The following RAPGEF5 variants were observed in gnomAD, a reference collection of about 807,000 sequenced individuals.
The protein encoded by RAPGEF5 is Rap guanine nucleotide exchange factor 5.
A neutral mutation model predicts 125.2 loss-of-function variants in RAPGEF5; 65 were observed. The observed-to-expected ratio is 0.52, with a 90% confidence interval of 0.43 to 0.64. The LOEUF (loss-of-function observed/expected upper bound fraction) is 0.64, where lower values mean the gene tolerates loss of function less well. RAPGEF5 is among the 30% of genes least tolerant of loss of function. RAPGEF5 has a pLI of 0.00. For synonymous variants in RAPGEF5, 391 were observed against 385.9 expected, an observed-to-expected ratio of 1.01 and a Z score of -0.16; for missense variants, 958 against 1,048.1, an observed-to-expected ratio of 0.91 and a Z score of 1.19.
rs569614815 is a variant in RAPGEF5 at position 22,278,874 on chromosome 7, T to C, written c.748-11862A>G. 1.1e-4 allele frequency among the ~76,000 whole-genome samples: 16 copies of C among 152,140 alleles called. No individual in the cohort carries two copies. In the East Asian group the frequency reaches 3.1e-3, roughly 29 times the overall value. On this transcript the variant is annotated intron_variant, in intron 6 of 25. Coordinates refer to ENST00000665637, the MANE Select transcript of RAPGEF5 (RefSeq NM_012294.5). ...CATGTATTCACTGACTTAATTTATA[T>C]GCATAGTGCCTTTTGTATCTGACCT... is the stretch of plus-strand genomic sequence containing the variant.
intron 17 of RAPGEF5, among the ~76,000 whole-genome samples, chr7:22,151,457 AC>A (rs1344076961): frequency 2.7e-5 from 3 of 111,174 alleles, no homozygotes; most frequent in African/African-American, 1.1e-4. Flanking sequence ...ACTGATCATT[AC>A]TTTTTTTTTT....
chr7:22,193,431 C>T lies in RAPGEF5; in HGVS notation c.1140G>A (p.Pro380=), dbSNP rs369343509. 141 of 1,594,384 alleles carry T rather than the reference C, an allele frequency of 8.8e-5. No homozygotes were observed. The highest frequency in any genetic ancestry group is 1.1e-4 in the Non-Finnish European group (134 of 1,169,924). ...TCAAAAGGTGCTCCAAAATCTTCTC[C>T]GGGGTCCCGGACACCACCACATATC... ...HWRYVVVSGT[P]EKILEHLLND... The change falls in exon 11 of 26, where the codon CCG becomes CCA. Residue 380 remains proline (P), a synonymous_variant. Transcript: ENST00000665637.
In RAPGEF5 at chr7:22,167,099, A is replaced by G. The variant is rs766585927; in HGVS notation, c.1254T>C (p.Thr418=). The change falls in exon 12 of 26, where the codon ACT becomes ACC. Residue 418 remains threonine (T), a synonymous_variant. Transcript: ENST00000665637. Reference sequence around the variant, plus strand: ...TTAACAGAGCCTGGCACAAGTCATCAGTTGTCATGAAGACAGTGTACGTGA... The same window carrying G: ...TTAACAGAGCCTGGCACAAGTCATCGGTTGTCATGAAGACAGTGTACGTGA... ...FLLTYTVFMT[T]DDLCQALLRH... The G allele has an allele frequency of 4.3e-6, 7 of 1,613,204 alleles. No homozygotes were observed. The highest frequency in any genetic ancestry group is 5.9e-6 in the Non-Finnish European group (7 of 1,179,546).
intron 1 of RAPGEF5, among the ~76,000 whole-genome samples, chr7:22,350,862 GT>G (rs1176944161): frequency 6.6e-6 from 1 of 152,174 alleles, no homozygotes; most frequent in Non-Finnish European, 1.5e-5. Context: ...AGCTAACACA[GT>G]TTTACACCAA....
intron 25 of RAPGEF5, among the ~76,000 whole-genome samples, chr7:22,123,994 A>G (rs1782660912): frequency 6.6e-6 from 1 of 152,250 alleles, no homozygotes; most frequent in Admixed American, 6.5e-5. Context: ...ATGAATTCGG[A>G]TAATTCAGTT....
intron 17 of RAPGEF5, among the ~76,000 whole-genome samples, chr7:22,152,441 A>G (rs996580941): frequency 6.6e-6 from 1 of 152,146 alleles, no homozygotes; most frequent in Non-Finnish European, 1.5e-5. Context: ...GCATTTTTCC[A>G]TTTGCTGAGA....
chr7:22,307,732 C>G (rs17146637), intron 5 of RAPGEF5, among the ~76,000 whole-genome samples: 13,519 of 152,178 alleles, frequency 0.089, 670 homozygotes, highest in Non-Finnish European at 0.11. Context: ...AAGTGTTCTG[C>G]ATATGTAACA....
At chr7:22,198,663 C>T (rs967745407) in intron 9 of RAPGEF5, among the ~76,000 whole-genome samples, 9 of 152,096 alleles carry the variant, frequency 5.9e-5, no homozygotes, top group Admixed American at 2.0e-4. Context: ...AACAGAACCA[C>T]CAGGAATGGG....
chr7:22,156,624 T>C (rs1255415478), intron 16 of RAPGEF5, among the ~76,000 whole-genome samples, 186 bp downstream of exon 16: 1 of 152,216 alleles, frequency 6.6e-6, no homozygotes, highest in Non-Finnish European at 1.5e-5. Flanking sequence ...GGGACAGTAT[T>C]ATGTGATCTA....
chr7:22,263,968 T>C (rs1782222450), intron 7 of RAPGEF5, among the ~76,000 whole-genome samples: 1 of 152,196 alleles, frequency 6.6e-6, no homozygotes, highest in Non-Finnish European at 1.5e-5. Flanking sequence ...AAAAAATAGT[T>C]ATTTTTATCA....
At chr7:22,266,232 A>G (rs1484482565) in intron 7 of RAPGEF5, among the ~76,000 whole-genome samples, 1 of 152,154 alleles carries the variant, frequency 6.6e-6, no homozygotes, top group Non-Finnish European at 1.5e-5. Context: ...ATTCTAGTTT[A>G]ACATTATCCA....
At chr7:22,218,803 A>G (rs962700240) in intron 9 of RAPGEF5, among the ~76,000 whole-genome samples, 2 of 152,232 alleles carry the variant, frequency 1.3e-5, no homozygotes, top group Non-Finnish European at 1.5e-5. Context: ...TAAAGTCAAT[A>G]GTCGCCTCTG....
chr7:22,162,996 C>T (rs1784055354), intron 12 of RAPGEF5: 1 of 456,938 alleles, frequency 2.2e-6, no homozygotes, highest in African/African-American at 2.0e-5. Flanking sequence ...AAAGTAGTTC[C>T]AAATGAGTAT....
intron 25 of RAPGEF5, among the ~76,000 whole-genome samples, chr7:22,123,714 C>A (rs1273968903): frequency 6.6e-6 from 1 of 152,192 alleles, no homozygotes; most frequent in African/African-American, 2.4e-5. Flanking sequence ...TACCATCCCA[C>A]CTGTTTGAAA....
At chr7:22,301,483 C>T (rs1034294721) in intron 5 of RAPGEF5, among the ~76,000 whole-genome samples, 3 of 151,720 alleles carry the variant, frequency 2.0e-5, no homozygotes, top group Non-Finnish European at 4.4e-5. Flanking sequence ...GGCGTGGTGG[C>T]GGGCGCCTGT....
chr7:22,315,831 T>C (rs1244861761), intron 2 of RAPGEF5, among the ~76,000 whole-genome samples: 2 of 152,032 alleles, frequency 1.3e-5, no homozygotes, highest in African/African-American at 4.8e-5. Context: ...ATACAGCAAA[T>C]TGAAGACTTT....
At chr7:22,271,657 A>G (rs1227687621) in intron 6 of RAPGEF5, among the ~76,000 whole-genome samples, 4 of 152,236 alleles carry the variant, frequency 2.6e-5, no homozygotes, top group African/African-American at 7.2e-5. Context: ...ATGTCTAAAT[A>G]GAGGACGATT....
intron 1 of RAPGEF5, among the ~76,000 whole-genome samples, chr7:22,354,338 T>C (rs1739414635): frequency 6.6e-6 from 1 of 152,170 alleles, no homozygotes. Flanking sequence ...ATCCCTGAAG[T>C]CACGCAGCTC....
chr7:22,282,923 T>C (rs1017951831), intron 6 of RAPGEF5, among the ~76,000 whole-genome samples: 2 of 152,120 alleles, frequency 1.3e-5, no homozygotes, highest in African/African-American at 4.8e-5. Flanking sequence ...TGGAATACTA[T>C]AGAATCACTA....
Sources: allele counts gnomAD v4.1 joint callset (sites outside exome capture counted in the v4.1 genomes callset), GRCh38; gene constraint gnomAD v4.1.1; transcripts MANE v1.5; gene names NCBI Gene and HGNC (gene_info 2026-07-23, HGNC 2026-07-21).